Variants in MAP2 observed in about 807,000 individuals in gnomAD.
MAP2 encodes microtubule associated protein 2, also known as microtubule-associated protein 2.
A neutral mutation model predicts 137.6 loss-of-function variants in MAP2; 14 were observed. The ratio of observed to expected loss-of-function variants is 0.10; its 90% CI spans 0.07 to 0.16. The LOEUF (loss-of-function observed/expected upper bound fraction) is 0.16, where lower values mean the gene tolerates loss of function less well. Ranked by LOEUF, MAP2 falls within the 10% of genes least tolerant of loss-of-function variation. MAP2 has a pLI of 1.00. For synonymous variants in MAP2, 786 were observed against 782.3 expected, an observed-to-expected ratio of 1.00 and a Z score of -0.08; for missense variants, 2,088 against 2,191.5, an observed-to-expected ratio of 0.95 and a Z score of 0.94.
chr2:209,676,397 A>G (rs1053301616), intron 5 of MAP2, among the ~76,000 whole-genome samples: 9 of 151,838 alleles, frequency 5.9e-5, no homozygotes, highest in African/African-American at 1.9e-4. Flanking sequence ...AAGGTGGAGG[A>G]TTGGAAGAGG....
At chr2:209,645,177 A>G (rs553671373) in intron 4 of MAP2, among the ~76,000 whole-genome samples, 3 of 152,340 alleles carry the variant, frequency 2.0e-5, no homozygotes, top group South Asian at 2.1e-4. Context: ...GAGTGTATCA[A>G]ATTATTTTTT....
chr2:209,523,874 G>A (rs1323763699), intron 2 of MAP2, among the ~76,000 whole-genome samples: 1 of 152,058 alleles, frequency 6.6e-6, no homozygotes, highest in African/African-American at 2.4e-5. Context: ...GACTAACTAT[G>A]GATATACATA....
rs554387904 is a variant in MAP2, at chr2:209,616,936, C to T, written c.-106-8117C>T. Among the ~76,000 whole-genome samples, 289 of 152,170 alleles carry T rather than the reference C, an allele frequency of 1.9e-3. 4 individuals are homozygous for T. The highest frequency in any genetic ancestry group is 7.7e-4 in the East Asian group (4 of 5,182). ...TATTATCTCATAATTATAGACTAGG[C>T]GGGGGGACCCAGCAAGACCTGTCTG... is the stretch of plus-strand genomic sequence containing the variant. On this transcript the variant is annotated intron_variant, in intron 3 of 15. Transcript: ENST00000682079.
chr2:209,434,122 G>C (rs1221037639), intron 1 of MAP2, among the ~76,000 whole-genome samples: 1 of 151,990 alleles, frequency 6.6e-6, no homozygotes, highest in Non-Finnish European at 1.5e-5. Context: ...TTAATAAGCA[G>C]TGTACCTCTT....
At chr2:209,598,910 G>C (rs945355017) in intron 3 of MAP2, among the ~76,000 whole-genome samples, 1 of 151,236 alleles carries the variant, frequency 6.6e-6, no homozygotes, top group Non-Finnish European at 1.5e-5. Context: ...ATAAACATAC[G>C]TGTGCATGTG....
chr2:209,608,644 T>C (rs2085656554), intron 3 of MAP2, among the ~76,000 whole-genome samples: 1 of 152,174 alleles, frequency 6.6e-6, no homozygotes, highest in Non-Finnish European at 1.5e-5. Context: ...GACGAGGCCA[T>C]CCATTTCAAT....
At chr2:209,628,702 G>A (rs1358692322) in intron 4 of MAP2, among the ~76,000 whole-genome samples, 2 of 152,086 alleles carry the variant, frequency 1.3e-5, no homozygotes, top group Non-Finnish European at 2.9e-5. Flanking sequence ...CTCCTACAAT[G>A]GCCAACAAGA....
chr2:209,729,623 G>A (rs1335931330), intron 14 of MAP2, among the ~76,000 whole-genome samples: 3 of 152,156 alleles, frequency 2.0e-5, no homozygotes, highest in African/African-American at 7.2e-5. Flanking sequence ...GTATTAATAC[G>A]TGAAGCAATC....
intron 2 of MAP2, among the ~76,000 whole-genome samples, chr2:209,513,525 A>G (rs962943029): frequency 5.9e-5 from 9 of 151,594 alleles, no homozygotes; most frequent in African/African-American, 2.2e-4. Context: ...CAATTGTATT[A>G]CATATGAAGA....
intron 2 of MAP2, among the ~76,000 whole-genome samples, chr2:209,562,343 A>C (rs1485683169): frequency 6.6e-6 from 1 of 151,736 alleles, no homozygotes; most frequent in Non-Finnish European, 1.5e-5. Flanking sequence ...TTCCCCTTTC[A>C]CTGGAGCATA....
chr2:209,445,684 C>A (rs1203285503), intron 1 of MAP2, among the ~76,000 whole-genome samples: 2 of 151,466 alleles, frequency 1.3e-5, no homozygotes, highest in Non-Finnish European at 3.0e-5. Context: ...CATGTTCTAC[C>A]AACAGGACTG....
intron 5 of MAP2, among the ~76,000 whole-genome samples, chr2:209,670,608 T>C (rs2048388483): frequency 6.6e-6 from 1 of 151,944 alleles, no homozygotes; most frequent in Non-Finnish European, 1.5e-5. Flanking sequence ...AAAGACTTCA[T>C]TTGAGTACAT....
rs2079266193 is a variant in MAP2 at position 209,591,590 on chromosome 2, TAAAA to T, written c.-107+11491_-107+11494del. Among the ~76,000 whole-genome samples, 2 of 152,156 alleles carry T rather than the reference TAAAA, an allele frequency of 1.3e-5. 1 individual carries two copies. The highest frequency in any genetic ancestry group is 4.1e-4 in the South Asian group (2 of 4,828). On this transcript the variant is annotated intron_variant, in intron 3 of 15. Transcript: ENST00000682079. Reference sequence around the variant, plus strand: ...GTAACACCTACTTATGGTAAACAAATAAAAGTTTAAAAACAAGCCAAACAAGAGG... The same window carrying T: ...GTAACACCTACTTATGGTAAACAAATGTTTAAAAACAAGCCAAACAAGAGG...
At chr2:209,473,115 A>G (rs1012417829) in intron 1 of MAP2, among the ~76,000 whole-genome samples, 1 of 152,072 alleles carries the variant, frequency 6.6e-6, no homozygotes, top group Non-Finnish European at 1.5e-5. Context: ...CCCCACATCA[A>G]CTATTATTGC....
At chr2:209,582,642 A>G (rs1432287608) in intron 3 of MAP2, among the ~76,000 whole-genome samples, 2 of 148,136 alleles carry the variant, frequency 1.4e-5, no homozygotes, top group Admixed American at 1.4e-4. Flanking sequence ...ATTTAAGGAT[A>G]GATAGATAGA....
intron 3 of MAP2, among the ~76,000 whole-genome samples, chr2:209,589,102 CTG>C (rs2078543413): frequency 6.6e-6 from 1 of 151,984 alleles, no homozygotes; most frequent in Non-Finnish European, 1.5e-5. Flanking sequence ...AGGGTATAGA[CTG>C]TGAATTACAA....
chr2:209,516,264 T>C lies in MAP2; in HGVS notation c.-172+8623T>C, dbSNP rs182392680. 2.1e-3 allele frequency among the ~76,000 whole-genome samples: 299 copies of C among 145,570 alleles called. 1 individual carries two copies. The highest frequency in any genetic ancestry group is 7.7e-3 in the African/African-American group (283 of 36,650). ...AGTGATGGCTTAAACTATAAGATAT[T>C]GATCTTCAGAATGATAAAGAGAGTG... On this transcript the variant is annotated intron_variant, in intron 2 of 15. Transcript: ENST00000682079.
intron 2 of MAP2, among the ~76,000 whole-genome samples, chr2:209,533,689 T>G (rs961940487): frequency 2.0e-5 from 3 of 152,204 alleles, no homozygotes; most frequent in South Asian, 2.1e-4. Flanking sequence ...CAAGGCATAC[T>G]TATGCTTCTG....
intron 3 of MAP2, among the ~76,000 whole-genome samples, chr2:209,600,346 A>C (rs964518907): frequency 1.3e-5 from 2 of 152,212 alleles, no homozygotes; most frequent in African/African-American, 2.4e-5. Context: ...TGGCAGGGGC[A>C]ATGTTAAGAG....
Sources: gnomAD v4.1 joint callset for allele counts (sites outside exome capture counted in the v4.1 genomes callset) on GRCh38, gnomAD v4.1.1 for gene constraint, MANE v1.5 for transcripts, NCBI Gene and HGNC (gene_info 2026-07-23, HGNC 2026-07-21) for gene names.